The following DIP2A variants were observed in gnomAD, a reference collection of about 807,000 sequenced individuals.
The protein encoded by DIP2A is disco-interacting protein 2 homolog A.
A neutral mutation model predicts 177.4 loss-of-function variants in DIP2A; 85 were observed. The ratio of observed to expected loss-of-function variants is 0.48; its 90% CI spans 0.40 to 0.57. The LOEUF is 0.57. Among genes scored for constraint, DIP2A ranks in the 20% least tolerant of loss-of-function variants. The pLI is 0.00. For missense variants in DIP2A, 1,791 were observed against 2,100.2 expected (o/e 0.85, Z 2.88); for synonymous variants, 886 against 881.8 (o/e 1.00, Z -0.08).
chr21:46,467,524 G>A (rs1457013411), intron 1 of DIP2A, among the ~76,000 whole-genome samples: 1 of 151,982 alleles, frequency 6.6e-6, no homozygotes, highest in Admixed American at 6.6e-5. Flanking sequence ...TGAAAGACAT[G>A]GATGTCATCA....
intron 1 of DIP2A, among the ~76,000 whole-genome samples, chr21:46,460,502 G>C (rs1452621238): frequency 6.6e-6 from 1 of 152,164 alleles, no homozygotes; most frequent in Non-Finnish European, 1.5e-5. Flanking sequence ...AGATTGATAA[G>C]ATTTTGCTGG....
chr21:46,467,412 G>T (rs1347764336), intron 1 of DIP2A, among the ~76,000 whole-genome samples: 1 of 152,090 alleles, frequency 6.6e-6, no homozygotes, highest in Non-Finnish European at 1.5e-5. Context: ...CTGTTGCCCA[G>T]TTGGGAGTGC....
intron 5 of DIP2A, among the ~76,000 whole-genome samples, chr21:46,502,322 G>A (rs1306197063): frequency 1.3e-5 from 2 of 151,582 alleles, no homozygotes; most frequent in East Asian, 1.9e-4. Flanking sequence ...TTAAGAGATG[G>A]GAGCTCACTA....
At chr21:46,576,961 CT>C in the DIP2A span, among the ~76,000 whole-genome samples, 1 of 152,086 alleles carries the variant, frequency 6.6e-6, no homozygotes, top group African/African-American at 2.4e-5. Flanking sequence ...CCTTTGCCCA[CT>C]TTTTAATGAG....
At chr21:46,562,258 C>T (rs1337864784) in intron 34 of DIP2A, among the ~76,000 whole-genome samples, 2 of 152,110 alleles carry the variant, frequency 1.3e-5, no homozygotes, top group Non-Finnish European at 2.9e-5. Context: ...CCTGAGATGG[C>T]CCGAGGACTC....
At chr21:46,548,838 T>C (rs79935009) in intron 21 of DIP2A, among the ~76,000 whole-genome samples, 152 of 152,296 alleles carry the variant, frequency 1.0e-3, no homozygotes, top group African/African-American at 3.5e-3. Flanking sequence ...GTTGAGCTTA[T>C]CTGTATTCTC....
chr21:46,557,339 G>A lies in DIP2A; in HGVS notation c.3630-246G>A. On this transcript the variant is annotated intron_variant, in intron 30 of 37. Coordinates refer to ENST00000417564, the MANE Select transcript of DIP2A (RefSeq NM_015151.4). The surrounding 1 kb of genome is among the most constrained non-coding windows in gnomAD (Gnocchi z 6.0). ...AAAGTGGCGATCCGTCTCTAGAAGT[G>A]AATGCCTCTGGAGTGGTGTCCCCGG... 1.6e-6 allele frequency: 1 copy of A among 627,920 alleles called. No individual in the cohort carries two copies. The highest frequency in any genetic ancestry group is 2.2e-5 in the South Asian group (1 of 46,382). The allele number at this position is 627,920 out of a possible 1,614,324, so 38.9% of individuals were successfully genotyped here. A position where few individuals can be genotyped will look rare whatever the true frequency, so the allele number is the denominator to read the frequency against.
intron 6 of DIP2A, among the ~76,000 whole-genome samples, chr21:46,505,482 G>A (rs200138953): frequency 1.6e-4 from 24 of 152,216 alleles, no homozygotes; most frequent in African/African-American, 4.8e-4. Flanking sequence ...GGTGGCGGGC[G>A]TCTATAGTCC....
intron 6 of DIP2A, among the ~76,000 whole-genome samples, chr21:46,508,353 CTTTTTTTTTTT>C (rs571637777): frequency 4.4e-5 from 4 of 90,506 alleles, no homozygotes; most frequent in African/African-American, 1.8e-4. Context: ...TGGCCAATGA[CTTTTTTTTTTT>C]TTTTTTTTTT....
chr21:46,533,556 G>T lies in DIP2A; in HGVS notation c.1338G>T (p.Leu446=). The T allele has an allele frequency of 6.2e-7, 1 of 1,613,958 alleles. No homozygotes were observed. The highest frequency in any genetic ancestry group is 1.7e-4 in the Middle Eastern group (1 of 6,052). Residue 446 remains leucine, a synonymous_variant, in exon 11 of 38, where the codon CTG becomes CTT. Transcript: ENST00000417564. The stretch of plus-strand genomic sequence containing the variant: ...GCAGCCAGCAGGTTGGGTTTCTGCT[G>T]GGCAGCTGTGGAGTCTTCTTGGCCC... ...DAGSQQVGFL[L]GSCGVFLALT... is the part of the protein sequence containing the mutation.
intron 20 of DIP2A, chr21:46,546,446 G>A (rs1685867844): frequency 5.7e-6 from 2 of 352,326 alleles, no homozygotes; most frequent in Non-Finnish European, 8.3e-6. Context: ...GTACCTAGAG[G>A]CCAGAGATGC....
intron 8 of DIP2A, among the ~76,000 whole-genome samples, chr21:46,522,467 A>G (rs985004535): frequency 1.3e-5 from 2 of 152,200 alleles, no homozygotes; most frequent in African/African-American, 2.4e-5. Context: ...CAAAGTTCTC[A>G]TTTCTATACC....
At chr21:46,531,474 T>C (rs760759980) in intron 9 of DIP2A, among the ~76,000 whole-genome samples, 2 of 152,268 alleles carry the variant, frequency 1.3e-5, no homozygotes, top group Non-Finnish European at 2.9e-5. Flanking sequence ...TTATGATATG[T>C]TGTGCTCATA....
At chr21:46,576,918 G>C in the DIP2A span, among the ~76,000 whole-genome samples, 1 of 152,146 alleles carries the variant, frequency 6.6e-6, no homozygotes, top group African/African-American at 2.4e-5. Context: ...TTGGCCGCAT[G>C]AATGTCTTCT....
intron 8 of DIP2A, among the ~76,000 whole-genome samples, chr21:46,528,527 C>CTTTTTTTTTTTTTTTT (rs1162872343): frequency 2.4e-4 from 7 of 29,406 alleles, no homozygotes; most frequent in Non-Finnish European, 2.8e-4. Context: ...TTTCTGCTTG[C>CTTTTTTTTTTTTTTTT]TTTTTTTTTT....
chr21:46,491,259 A>G (rs935597673), intron 3 of DIP2A, among the ~76,000 whole-genome samples: 3 of 143,354 alleles, frequency 2.1e-5, no homozygotes, highest in African/African-American at 7.5e-5. Context: ...TTATATATTA[A>G]TAACTTGAGC....
At chr21:46,495,235 TTCTCTTCTTTCTCTCTC>T (rs2057267137) in intron 3 of DIP2A, among the ~76,000 whole-genome samples, 6 of 51,336 alleles carry the variant, frequency 1.2e-4, no homozygotes, top group Admixed American at 5.1e-4. Flanking sequence ...TTCTCTTCTC[TTCTCTTCTTTCTCTCTC>T]TCTCTCTCTC....
intron 1 of DIP2A, among the ~76,000 whole-genome samples, chr21:46,479,437 A>T (rs2056172872): frequency 1.3e-5 from 2 of 152,244 alleles, no homozygotes; most frequent in Admixed American, 6.5e-5. Flanking sequence ...CTACACATTT[A>T]AAAAGCCCGC....
chr21:46,519,237 C>G (rs115730300), intron 8 of DIP2A, among the ~76,000 whole-genome samples: 5,459 of 152,274 alleles, frequency 0.036, 144 homozygotes, highest in Middle Eastern at 0.079. Flanking sequence ...ACTTGGCCAG[C>G]TTCTTCACCA....
Sources: allele counts gnomAD v4.1 joint callset (sites outside exome capture counted in the v4.1 genomes callset), GRCh38; gene constraint gnomAD v4.1.1; non-coding constraint Gnocchi (gnomAD v3.1); transcripts MANE v1.5; gene names NCBI Gene and HGNC (gene_info 2026-07-23, HGNC 2026-07-21).